CDH11: variants seen among roughly 807,000 people sequenced by gnomAD.
CDH11 encodes the protein cadherin 11.
A neutral mutation model predicts 67.8 loss-of-function variants in CDH11; 11 were observed. The ratio of observed to expected loss-of-function variants is 0.16; its 90% CI spans 0.10 to 0.27. CDH11 has a LOEUF of 0.27. Among genes scored for constraint, CDH11 ranks in the 10% least tolerant of loss-of-function variants. CDH11 has a pLI of 1.00. For synonymous variants in CDH11, 419 were observed against 400.0 expected (o/e 1.05, Z -0.57); for missense variants, 847 against 1,031.2 (o/e 0.82, Z 2.45).
rs184755170 is a variant in CDH11, at chr16:65,043,316, C to T, written c.-173+10488G>A. On this transcript the variant is annotated intron_variant, in intron 2 of 12. Transcript: ENST00000268603. ...TTGTCACAGGTTGGATTATCTGGGA[C>T]GCTGACTCTGAGATGGAGTTTAGCA... Among the ~76,000 whole-genome samples, 55 of 152,228 alleles carry T rather than the reference C, an allele frequency of 3.6e-4. No individual in the cohort carries two copies. The East Asian group carries it at 6.8e-3, about 19-fold the overall frequency.
chr16:65,063,924 C>CA (rs1184183039), intron 1 of CDH11, among the ~76,000 whole-genome samples: 1 of 152,174 alleles, frequency 6.6e-6, no homozygotes, highest in Non-Finnish European at 1.5e-5. Context: ...ATGAGTGTTC[C>CA]AACCACACTT....
Position 64,991,781 on chromosome 16 carries a change from T to C in CDH11, c.798A>G (p.Pro266=). The C allele has an allele frequency of 6.2e-7, 1 of 1,613,286 alleles. No individual in the cohort carries two copies. Among genetic ancestry groups the C allele is most frequent in the Non-Finnish European group, 8.5e-7 (1 of 1,179,362 alleles). The change falls in exon 6 of 13, where the codon CCA becomes CCG. Residue 266 remains proline (P), a synonymous_variant. Transcript: ENST00000268603. ...ITLTDVNDNP[P]KFPQSVYQMS... Reference sequence around the variant, plus strand: ...CCACCTACTTACTCTGCGGAAACTTTGGTGGGTTGTCATTGACATCGGTCA... The same window carrying C: ...CCACCTACTTACTCTGCGGAAACTTCGGTGGGTTGTCATTGACATCGGTCA...
intron 1 of CDH11, among the ~76,000 whole-genome samples, chr16:65,065,603 C>G (rs1383949120): frequency 6.6e-6 from 1 of 152,172 alleles, no homozygotes; most frequent in African/African-American, 2.4e-5. Context: ...CAGAGACAAC[C>G]CTGTGCAAGA....
intron 1 of CDH11, among the ~76,000 whole-genome samples, chr16:65,081,746 T>C (rs2074614816): frequency 6.6e-6 from 1 of 152,162 alleles, no homozygotes; most frequent in African/African-American, 2.4e-5. Context: ...GTGATCACAT[T>C]ACTCAAAAAC....
intron 1 of CDH11, among the ~76,000 whole-genome samples, chr16:65,060,726 A>T (rs942443209): frequency 1.3e-5 from 2 of 152,152 alleles, no homozygotes; most frequent in African/African-American, 4.8e-5. Flanking sequence ...ACATTTGAAT[A>T]TAATGCACAT....
At position 64,944,445 on chromosome 16, in the gene CDH11, G is replaced by A. The variant is rs917060544; in HGVS notation, c.*3158C>T. 1.3e-5 allele frequency: 3 copies of A among 232,612 alleles called. No individual in the cohort carries two copies. Among genetic ancestry groups the A allele is most frequent in the African/African-American group, 6.6e-5 (3 of 45,276 alleles). 14.4% of individuals were successfully genotyped at this position (232,612 alleles called of 1,614,324 possible). On this transcript the variant is annotated 3_prime_UTR_variant, in exon 13 of 13. Transcript: ENST00000268603. ...CTGGGGCACACCTCTGGGTTTATAT[G>A]CTCCTAATCTGTCCTCCACACTGCC...
At chr16:64,952,801 G>A (rs1336576647) in intron 11 of CDH11, among the ~76,000 whole-genome samples, 4 of 151,988 alleles carry the variant, frequency 2.6e-5, no homozygotes, top group Non-Finnish European at 5.9e-5. Flanking sequence ...CTTTAAATAG[G>A]TTGACAGGAT....
At position 65,081,299 on chromosome 16, in the gene CDH11, G is replaced by T. The variant is rs553846881; in HGVS notation, c.-297-27371C>A. Among the ~76,000 whole-genome samples, 67 of 152,170 alleles carry T rather than the reference G, an allele frequency of 4.4e-4. 1 individual carries two copies. In the Middle Eastern group the frequency reaches 0.014, roughly 31 times the overall value. Reference sequence around the variant, plus strand: ...GGAGCATCTACAGGGCTGGGCGCTGGGGCTCACGCCTGTAATCCCAGCAAT... The same window carrying T: ...GGAGCATCTACAGGGCTGGGCGCTGTGGCTCACGCCTGTAATCCCAGCAAT... On this transcript the variant is annotated intron_variant, in intron 1 of 12. Transcript: ENST00000268603.
chr16:64,985,203 T>C (rs1232138466), intron 7 of CDH11: 1 of 152,170 alleles, frequency 6.6e-6, no homozygotes, highest in Non-Finnish European at 1.5e-5. Context: ...AGTTTCTCTC[T>C]TTCCTGTGCA....
chr16:65,029,482 A>G (rs989489117), intron 2 of CDH11, among the ~76,000 whole-genome samples: 4 of 152,208 alleles, frequency 2.6e-5, no homozygotes, highest in African/African-American at 9.6e-5. Flanking sequence ...TTTTTCTGCC[A>G]AGAATAATAA....
chr16:65,074,180 C>T (rs1268925304), intron 1 of CDH11, among the ~76,000 whole-genome samples: 1 of 152,080 alleles, frequency 6.6e-6, no homozygotes, highest in Non-Finnish European at 1.5e-5. Context: ...TGAATGGCTA[C>T]AGAAGCAGGG....
chr16:65,051,785 A>C (rs1170285518), intron 2 of CDH11, among the ~76,000 whole-genome samples: 1 of 152,114 alleles, frequency 6.6e-6, no homozygotes, highest in East Asian at 1.9e-4. Flanking sequence ...CTCTTCTGCC[A>C]CCTTGTGAAG....
intron 11 of CDH11, among the ~76,000 whole-genome samples, chr16:64,968,114 G>A (rs1398825646): frequency 6.6e-6 from 1 of 152,092 alleles, no homozygotes; most frequent in African/African-American, 2.4e-5. Flanking sequence ...ACAACCAACA[G>A]GGCCCTCCAA....
Position 65,095,349 on chromosome 16 carries a change from T to C in CDH11, c.-298+26531A>G, listed in dbSNP as rs144289811. On this transcript the variant is annotated intron_variant, in intron 1 of 12. Transcript: ENST00000268603. ...CAATGTGCTTTACGTTACTTAACAC[T>C]TGCGGCTTTTGATAAACCTACTCCA... Among the ~76,000 whole-genome samples, 167 of 152,294 alleles carry C rather than the reference T, an allele frequency of 1.1e-3. 2 individuals carry two copies. The East Asian group carries it at 0.021, about 19-fold the overall frequency.
intron 11 of CDH11, among the ~76,000 whole-genome samples, chr16:64,957,765 C>T (rs965565145): frequency 6.6e-6 from 1 of 152,078 alleles, no homozygotes; most frequent in African/African-American, 2.4e-5. Context: ...AGATGACACA[C>T]AACTACAAAA....
chr16:65,121,988 G>C lies in CDH11; in HGVS notation c.-406C>G. On this transcript the variant is annotated 5_prime_UTR_variant, in exon 1 of 13. Transcript: ENST00000268603. The surrounding 1 kb of genome is among the most constrained non-coding windows in gnomAD (Gnocchi z 4.1). ...GTCCCGGTCCCATTCACAAGTCAGC[G>C]GCGGCTGCGAGCGGCCCCCGCGGCA... 1 of 700,880 alleles carries C rather than the reference G, an allele frequency of 1.4e-6. No homozygotes were observed. The allele number at this position is 700,880 out of a possible 1,614,324, so 43.4% of individuals were successfully genotyped here.
chr16:64,978,341 C>T (rs1198810013), intron 8 of CDH11, among the ~76,000 whole-genome samples: 1 of 152,196 alleles, frequency 6.6e-6, no homozygotes, highest in African/African-American at 2.4e-5. Flanking sequence ...CTGCAAGGGC[C>T]AGCCAGCAAA....
At chr16:64,992,798 G>T in intron 5 of CDH11, 117 bp downstream of exon 5, 2 of 917,300 alleles carry the variant, frequency 2.2e-6, no homozygotes, top group Non-Finnish European at 3.3e-6. Flanking sequence ...ACCCTATAGG[G>T]TAGCCCTCTG....
intron 2 of CDH11, among the ~76,000 whole-genome samples, chr16:65,009,975 T>C (rs1002745719): frequency 6.6e-6 from 1 of 152,192 alleles, no homozygotes; most frequent in Non-Finnish European, 1.5e-5. Context: ...AAATGACATA[T>C]ACGGGTGTTT....
Sources: allele counts gnomAD v4.1 joint callset (sites outside exome capture counted in the v4.1 genomes callset), GRCh38; gene constraint gnomAD v4.1.1; non-coding constraint Gnocchi (gnomAD v3.1); transcripts MANE v1.5; gene names NCBI Gene and HGNC (gene_info 2026-07-23, HGNC 2026-07-21).